Variants in SETBP1 observed in about 807,000 individuals in gnomAD.
SETBP1 encodes SET-binding protein.
In SETBP1, 9 loss-of-function variants were observed where a neutral mutation model predicts 101.0. The observed-to-expected ratio is 0.09, with a 90% CI of 0.05 to 0.16. SETBP1 has a LOEUF of 0.16. SETBP1 is among the 10% of genes least tolerant of loss of function. The pLI is 1.00. For missense variants in SETBP1, 1,858 were observed against 2,033.8 expected (o/e 0.91, Z 1.66); for synonymous variants, 818 against 788.5 (o/e 1.04, Z -0.63).
chr18:44,727,893 G>C (rs973376374), intron 2 of SETBP1, among the ~76,000 whole-genome samples: 1 of 152,064 alleles, frequency 6.6e-6, no homozygotes, highest in African/African-American at 2.4e-5. Flanking sequence ...CTGTGCTAGA[G>C]AGTTAGTGAC....
intron 2 of SETBP1, among the ~76,000 whole-genome samples, chr18:44,815,535 G>C (rs1276000930): frequency 1.3e-5 from 2 of 152,198 alleles, no homozygotes; most frequent in Non-Finnish European, 2.9e-5. Flanking sequence ...TATACAAGTG[G>C]CAGAAATCTG....
intron 2 of SETBP1, among the ~76,000 whole-genome samples, chr18:44,859,657 G>C (rs1404294652): frequency 1.3e-5 from 2 of 152,152 alleles, no homozygotes; most frequent in East Asian, 1.9e-4. Context: ...GTACCTACCT[G>C]GTACAAGAAC....
intron 2 of SETBP1, among the ~76,000 whole-genome samples, chr18:44,796,421 C>A (rs1749364509): frequency 6.6e-6 from 1 of 152,200 alleles, no homozygotes; most frequent in South Asian, 2.1e-4. Context: ...TGTCCATCCT[C>A]ACTGAATGCA....
chr18:44,692,648 G>A (rs2068953808), intron 1 of SETBP1, among the ~76,000 whole-genome samples: 1 of 152,178 alleles, frequency 6.6e-6, no homozygotes, highest in African/African-American at 2.4e-5. Flanking sequence ...AATGACCAGG[G>A]AAGTGAGAGC....
intron 3 of SETBP1, among the ~76,000 whole-genome samples, chr18:44,878,709 G>A (rs1396333815): frequency 6.6e-6 from 1 of 152,080 alleles, no homozygotes; most frequent in African/African-American, 2.4e-5. Flanking sequence ...CACTTTTTTA[G>A]TTCTTTCCAA....
chr18:44,968,198 A>G lies in SETBP1; in HGVS notation c.4000+14858A>G, dbSNP rs189971643. Among the ~76,000 whole-genome samples the G allele has an allele frequency of 5.3e-5, 8 of 152,278 alleles. No individual in the cohort carries two copies. The East Asian group carries it at 1.5e-3, about 29-fold the overall frequency. ...AGAGGAACCATTGAGGGAAAATATGAATATATATGTATAGTGTTCTTTGAG... is the reference window on the plus strand; with the variant it reads ...AGAGGAACCATTGAGGGAAAATATGGATATATATGTATAGTGTTCTTTGAG... On this transcript the variant is annotated intron_variant, in intron 4 of 5. Coordinates refer to ENST00000649279, the MANE Select transcript of SETBP1 (RefSeq NM_015559.3).
intron 3 of SETBP1, among the ~76,000 whole-genome samples, chr18:44,880,719 A>T (rs1330651952): frequency 6.6e-6 from 1 of 152,150 alleles, no homozygotes; most frequent in African/African-American, 2.4e-5. Flanking sequence ...GTAGGGGCAG[A>T]GGTGCCACAT....
intron 2 of SETBP1, among the ~76,000 whole-genome samples, chr18:44,863,936 T>C (rs938199567): frequency 6.6e-6 from 1 of 152,142 alleles, no homozygotes; most frequent in Non-Finnish European, 1.5e-5. Flanking sequence ...ATGTTCAGCA[T>C]GACCCACACC....
intron 4 of SETBP1, among the ~76,000 whole-genome samples, chr18:44,976,249 G>A (rs553757775): frequency 1.8e-4 from 28 of 152,276 alleles, no homozygotes; most frequent in African/African-American, 6.3e-4. Flanking sequence ...GAGAGCCGCC[G>A]TGGGTTTTGG....
intron 2 of SETBP1, among the ~76,000 whole-genome samples, chr18:44,744,558 G>A (rs942219415): frequency 1.3e-5 from 2 of 152,348 alleles, no homozygotes; most frequent in African/African-American, 4.8e-5. Context: ...GGGCACTGCT[G>A]CACAAAGCCC....
chr18:44,954,043 A>T (rs189447728), intron 4 of SETBP1, among the ~76,000 whole-genome samples: 12 of 152,262 alleles, frequency 7.9e-5, no homozygotes, highest in Non-Finnish European at 2.9e-5. Context: ...AGACCTTATA[A>T]CTGTGTCTCT....
intron 4 of SETBP1, among the ~76,000 whole-genome samples, chr18:45,022,767 T>A (rs1599460009): frequency 6.6e-6 from 1 of 151,324 alleles, no homozygotes; most frequent in Admixed American, 6.6e-5. Flanking sequence ...GAGGCAGAGG[T>A]TGCAGTGAGC....
intron 4 of SETBP1, among the ~76,000 whole-genome samples, chr18:45,004,068 C>A (rs1035466339): frequency 6.6e-6 from 1 of 152,170 alleles, no homozygotes; most frequent in African/African-American, 2.4e-5. Context: ...TTTACCCTAC[C>A]CTGTAACAAG....
intron 4 of SETBP1, among the ~76,000 whole-genome samples, chr18:45,013,719 T>C (rs1267851111): frequency 6.6e-6 from 1 of 152,180 alleles, no homozygotes; most frequent in African/African-American, 2.4e-5. Context: ...ATTACAGGCA[T>C]AAGCCACCAC....
chr18:44,929,663 T>G (rs549275484), intron 3 of SETBP1, among the ~76,000 whole-genome samples: 2 of 152,276 alleles, frequency 1.3e-5, no homozygotes, highest in East Asian at 3.9e-4. Flanking sequence ...CCCTTGTAAG[T>G]TGGATTCCTA....
intron 3 of SETBP1, among the ~76,000 whole-genome samples, chr18:44,938,013 A>G (rs905988268): frequency 2.6e-5 from 4 of 152,158 alleles, no homozygotes; most frequent in Non-Finnish European, 5.9e-5. Context: ...TTTCGTCCTC[A>G]GCAAAGTCCT....
intron 2 of SETBP1, among the ~76,000 whole-genome samples, chr18:44,764,246 C>CT (rs1219224449): frequency 6.6e-6 from 1 of 152,232 alleles, no homozygotes; most frequent in African/African-American, 2.4e-5. Flanking sequence ...GTCTCAAGCA[C>CT]TTGGCTTTTG....
chr18:44,992,675 T>A (rs1325349920), intron 4 of SETBP1, among the ~76,000 whole-genome samples: 1 of 152,026 alleles, frequency 6.6e-6, no homozygotes, highest in Non-Finnish European at 1.5e-5. Context: ...AAAACCCACA[T>A]TTCCCTTTAA....
At chr18:44,722,426 C>G (rs147146701) in intron 2 of SETBP1, among the ~76,000 whole-genome samples, 1 of 152,056 alleles carries the variant, frequency 6.6e-6, no homozygotes, top group Non-Finnish European at 1.5e-5. Context: ...AGAGGCAGAA[C>G]GTATTTAGGG....
Sources: gnomAD v4.1 joint callset for allele counts (sites outside exome capture counted in the v4.1 genomes callset) on GRCh38, gnomAD v4.1.1 for gene constraint, MANE v1.5 for transcripts, NCBI Gene and HGNC (gene_info 2026-07-23, HGNC 2026-07-21) for gene names.